CMSS1: variants seen among roughly 807,000 people sequenced by gnomAD.
CMSS1 encodes the protein cms1 ribosomal small subunit homolog, also known as protein CMSS1.
Under a neutral mutation model 43.5 loss-of-function variants are expected in CMSS1, and 33 were observed. The observed-to-expected ratio is 0.76, with a 90% CI of 0.57 to 1.01. The LOEUF (loss-of-function observed/expected upper bound fraction) is 1.01, where lower values mean the gene tolerates loss of function less well. CMSS1 is among the 50% of genes least tolerant of loss of function. The pLI is 0.00. For missense variants in CMSS1, 313 were observed against 326.4 expected (o/e 0.96, Z 0.32); for synonymous variants, 115 against 117.2 (o/e 0.98, Z 0.12).
intron 1 of CMSS1, among the ~76,000 whole-genome samples, chr3:99,961,520 G>T (rs879309221): frequency 9.9e-5 from 15 of 152,132 alleles, no homozygotes; most frequent in Admixed American, 2.6e-4. Context: ...GCCAGCCCAT[G>T]TGTGAACCCA....
intron 1 of CMSS1, among the ~76,000 whole-genome samples, chr3:100,094,569 A>T (rs1214679539): frequency 1.3e-5 from 2 of 149,222 alleles, no homozygotes; most frequent in African/African-American, 5.0e-5. Flanking sequence ...TAGCTTCATG[A>T]TCCATTTTGA....
intron 1 of CMSS1, among the ~76,000 whole-genome samples, chr3:100,090,825 A>G (rs2066090880): frequency 6.6e-6 from 1 of 152,176 alleles, no homozygotes; most frequent in African/African-American, 2.4e-5. Flanking sequence ...CCTCAGGAAT[A>G]TGGTATCTCC....
chr3:100,064,480 G>A (rs1312421773), intron 1 of CMSS1, among the ~76,000 whole-genome samples: 12 of 151,558 alleles, frequency 7.9e-5, no homozygotes, highest in Admixed American at 7.9e-4. Context: ...CATTAAGTGT[G>A]CTGTGACTTC....
chr3:99,994,783 G>A (rs1042621674), intron 1 of CMSS1, among the ~76,000 whole-genome samples: 1 of 152,174 alleles, frequency 6.6e-6, no homozygotes, highest in Non-Finnish European at 1.5e-5. Flanking sequence ...AAGAGAAAAT[G>A]AGGAAGATGC....
At chr3:99,971,718 G>T (rs1708827718) in intron 1 of CMSS1, among the ~76,000 whole-genome samples, 1 of 152,172 alleles carries the variant, frequency 6.6e-6, no homozygotes, top group South Asian at 2.1e-4. Flanking sequence ...AGTCTGTATG[G>T]TAGGGTCTAG....
chr3:99,970,633 T>C (rs1708785385), intron 1 of CMSS1, among the ~76,000 whole-genome samples: 1 of 152,164 alleles, frequency 6.6e-6, no homozygotes, highest in African/African-American at 2.4e-5. Flanking sequence ...ATGTACAGGG[T>C]CACAAGAGTT....
chr3:99,897,527 T>A (rs966697164), intron 1 of CMSS1, among the ~76,000 whole-genome samples: 1 of 152,212 alleles, frequency 6.6e-6, no homozygotes, highest in African/African-American at 2.4e-5. Flanking sequence ...TTACTAGTTA[T>A]TTTTTTAGAT....
At chr3:99,848,972 G>A (rs755959064) in intron 1 of CMSS1, 2 of 1,614,132 alleles carry the variant, frequency 1.2e-6, no homozygotes, top group Non-Finnish European at 1.7e-6. Flanking sequence ...TTTATATGAA[G>A]TGGCTGCCCA....
At chr3:99,928,364 A>G (rs902082323) in intron 1 of CMSS1, among the ~76,000 whole-genome samples, 1 of 152,222 alleles carries the variant, frequency 6.6e-6, no homozygotes, top group Non-Finnish European at 1.5e-5. Context: ...AGAGAAATCC[A>G]TAAGGGGGAA....
At chr3:99,901,153 A>G (rs1255259056) in intron 1 of CMSS1, among the ~76,000 whole-genome samples, 1 of 152,192 alleles carries the variant, frequency 6.6e-6, no homozygotes, top group Admixed American at 6.5e-5. Context: ...GTATTGCTTT[A>G]AGGATTGGGT....
intron 1 of CMSS1, among the ~76,000 whole-genome samples, chr3:99,875,097 T>C (rs925885848): frequency 1.4e-4 from 21 of 152,238 alleles, no homozygotes; most frequent in African/African-American, 4.8e-4. Context: ...CAGATAAGGA[T>C]TGAATGATGA....
chr3:99,904,694 A>T (rs1046808787), intron 1 of CMSS1, among the ~76,000 whole-genome samples: 1 of 151,752 alleles, frequency 6.6e-6, no homozygotes, highest in Admixed American at 6.6e-5. Flanking sequence ...ATTTTACCCC[A>T]TTATCACTGT....
At chr3:99,991,697 A>G (rs889469547) in intron 1 of CMSS1, among the ~76,000 whole-genome samples, 1 of 151,966 alleles carries the variant, frequency 6.6e-6, no homozygotes, top group Non-Finnish European at 1.5e-5. Flanking sequence ...AGGTGAGAAC[A>G]TGCTGTATTT....
chr3:99,835,401 G>A (rs945913178), intron 1 of CMSS1, among the ~76,000 whole-genome samples: 3 of 152,130 alleles, frequency 2.0e-5, no homozygotes, highest in African/African-American at 7.2e-5. Context: ...AAGTCCTTTG[G>A]CTTTGACATT....
chr3:99,958,206 T>C (rs1292087831), intron 1 of CMSS1, among the ~76,000 whole-genome samples: 3 of 16,414 alleles, frequency 1.8e-4, no homozygotes, highest in Admixed American at 5.2e-4. Flanking sequence ...CTGCATGCAT[T>C]ATTATTATTA....
intron 1 of CMSS1, among the ~76,000 whole-genome samples, chr3:100,031,095 AT>A (rs1011897273): frequency 6.6e-6 from 1 of 151,936 alleles, no homozygotes; most frequent in African/African-American, 2.4e-5. Flanking sequence ...GTCAGATTCT[AT>A]TTTTTTCTGC....
At position 99,832,560 on chromosome 3, in the gene CMSS1, A is replaced by AAAAG. The variant is rs201155810; in HGVS notation, c.64+14517_64+14518insAAAG. The stretch of plus-strand genomic sequence containing the variant: ...CAAATCTTTAAAAAAAAAAAAAAAA[A>AAAAG]GGCCTAGCGCAGTGGCTCATACCTG... On this transcript the variant is annotated intron_variant, in intron 1 of 9. Coordinates refer to ENST00000421999, the MANE Select transcript of CMSS1 (RefSeq NM_032359.4). Among the ~76,000 whole-genome samples the AAAAG allele has an allele frequency of 1.8e-3, 214 of 120,810 alleles. 10 individuals are homozygous for AAAAG. Among genetic ancestry groups the AAAAG allele is most frequent in the African/African-American group, 6.1e-3 (188 of 30,740 alleles). 79.3% of individuals were successfully genotyped at this position (120,810 alleles called of 152,430 possible).
chr3:99,939,250 C>T (rs1409939217), intron 1 of CMSS1, among the ~76,000 whole-genome samples: 1 of 152,174 alleles, frequency 6.6e-6, no homozygotes, highest in Non-Finnish European at 1.5e-5. Flanking sequence ...TTGTTATATG[C>T]CTGTGAGTGT....
At chr3:100,106,653 T>G (rs1191947899) in intron 1 of CMSS1, among the ~76,000 whole-genome samples, 2 of 152,316 alleles carry the variant, frequency 1.3e-5, no homozygotes, top group East Asian at 3.9e-4. Flanking sequence ...CAGAAGCATA[T>G]GCATGCTCAC....
Sources: gnomAD v4.1 joint callset for allele counts (sites outside exome capture counted in the v4.1 genomes callset) on GRCh38, gnomAD v4.1.1 for gene constraint, MANE v1.5 for transcripts, NCBI Gene and HGNC (gene_info 2026-07-23, HGNC 2026-07-21) for gene names.